FHIT: variants seen among roughly 807,000 people sequenced by gnomAD.
The protein encoded by FHIT is fragile histidine triad diadenosine triphosphatase.
Under a neutral mutation model 17.9 loss-of-function variants are expected in FHIT, and 19 were observed. That is an observed-to-expected ratio of 1.06 (90% CI 0.74 to 1.56). The LOEUF (loss-of-function observed/expected upper bound fraction) is 1.56. Among genes scored for constraint, FHIT ranks in the 40% most tolerant of loss-of-function variants. The probability of loss-of-function intolerance (pLI) is 0.00; values close to 1 mark genes in which losing one functional copy is unlikely to be tolerated. For synonymous variants in FHIT, 81 were observed against 69.7 expected (o/e 1.16, Z -0.81); for missense variants, 248 against 189.2 (o/e 1.31, Z -1.82).
chr3:60,999,294 CA>C (rs970256730), intron 3 of FHIT, among the ~76,000 whole-genome samples: 1 of 151,962 alleles, frequency 6.6e-6, no homozygotes, highest in African/African-American at 2.4e-5. Flanking sequence ...CTTTCTGAAA[CA>C]ATAATCTACA....
At chr3:61,103,051 C>G (rs1440169987) in intron 2 of FHIT, among the ~76,000 whole-genome samples, 1 of 152,226 alleles carries the variant, frequency 6.6e-6, no homozygotes, top group Non-Finnish European at 1.5e-5. Context: ...GTCTCTATCT[C>G]TTTCAGTTCT....
chr3:60,331,364 T>A (rs757486202), intron 5 of FHIT, among the ~76,000 whole-genome samples: 3 of 152,176 alleles, frequency 2.0e-5, no homozygotes, highest in Admixed American at 2.0e-4. Flanking sequence ...GTTTCCTCTA[T>A]ACATTATAAC....
At chr3:60,593,526 A>G (rs1412182467) in intron 4 of FHIT, among the ~76,000 whole-genome samples, 2 of 152,160 alleles carry the variant, frequency 1.3e-5, no homozygotes, top group East Asian at 1.9e-4. Flanking sequence ...AGCTTTCTAC[A>G]TTGGCAACTT....
At chr3:60,580,428 T>A (rs17669257) in intron 4 of FHIT, among the ~76,000 whole-genome samples, 1 of 152,014 alleles carries the variant, frequency 6.6e-6, no homozygotes, top group Non-Finnish European at 1.5e-5. Flanking sequence ...ATTATGATGA[T>A]AGGAATTACT....
chr3:60,251,518 C>T (rs1422289171), intron 5 of FHIT, among the ~76,000 whole-genome samples: 1 of 152,188 alleles, frequency 6.6e-6, no homozygotes, highest in Non-Finnish European at 1.5e-5. Flanking sequence ...AATTTGAAAA[C>T]CTCATCTTTC....
chr3:60,420,310 G>A (rs1235650641), intron 5 of FHIT, among the ~76,000 whole-genome samples: 1 of 152,044 alleles, frequency 6.6e-6, no homozygotes, highest in African/African-American at 2.4e-5. Flanking sequence ...TCCATAGCAT[G>A]TATAACACAG....
At chr3:60,657,582 G>C (rs537633133) in intron 4 of FHIT, among the ~76,000 whole-genome samples, 2 of 152,278 alleles carry the variant, frequency 1.3e-5, no homozygotes, top group South Asian at 4.2e-4. Flanking sequence ...TCTGTGTACA[G>C]TGAAAGTACT....
chr3:61,094,871 C>T (rs1394400001), intron 2 of FHIT, among the ~76,000 whole-genome samples: 1 of 152,134 alleles, frequency 6.6e-6, no homozygotes, highest in African/African-American at 2.4e-5. Context: ...CATGAGATTC[C>T]ATCATGCTAC....
chr3:60,212,299 A>C (rs539755198), intron 5 of FHIT, among the ~76,000 whole-genome samples: 1 of 152,248 alleles, frequency 6.6e-6, no homozygotes, highest in African/African-American at 2.4e-5. Flanking sequence ...GGCACTCCCA[A>C]CATAGGGACA....
intron 5 of FHIT, among the ~76,000 whole-genome samples, chr3:60,122,948 T>C (rs1259937451): frequency 6.6e-6 from 1 of 152,244 alleles, no homozygotes; most frequent in Non-Finnish European, 1.5e-5. Context: ...AAAAAAGATT[T>C]TGGCTTCTAG....
At chr3:60,225,767 A>G (rs997322346) in intron 5 of FHIT, among the ~76,000 whole-genome samples, 1 of 152,198 alleles carries the variant, frequency 6.6e-6, no homozygotes, top group Non-Finnish European at 1.5e-5. Flanking sequence ...ACTGAAGATA[A>G]CAGACGGACA....
intron 5 of FHIT, among the ~76,000 whole-genome samples, chr3:60,208,331 T>G (rs213322): frequency 1.3e-5 from 2 of 151,946 alleles, no homozygotes; most frequent in Non-Finnish European, 2.9e-5. Flanking sequence ...TCTTGATCCT[T>G]TGCCAAATCA....
chr3:60,009,230 T>C (rs185738138), intron 7 of FHIT, among the ~76,000 whole-genome samples: 2,501 of 132,386 alleles, frequency 0.019, 82 homozygotes, highest in African/African-American at 0.074. Flanking sequence ...TGTGTGTGTG[T>C]ATGGTGGTTT....
At chr3:60,118,971 A>T (rs1236800610) in intron 5 of FHIT, among the ~76,000 whole-genome samples, 1 of 150,466 alleles carries the variant, frequency 6.6e-6, no homozygotes, top group East Asian at 2.0e-4. Context: ...CAGTGAGCTG[A>T]GATGCTGCCA....
intron 5 of FHIT, among the ~76,000 whole-genome samples, chr3:60,413,488 T>C (rs538037737): frequency 2.6e-5 from 4 of 152,310 alleles, no homozygotes; most frequent in African/African-American, 9.6e-5. Context: ...CCATGCAAAT[T>C]CCATTTCTGG....
At chr3:61,164,719 T>C in intron 2 of FHIT, among the ~76,000 whole-genome samples, 1 of 152,168 alleles carries the variant, frequency 6.6e-6, no homozygotes, top group Non-Finnish European at 1.5e-5. Flanking sequence ...ATGCTGAGGT[T>C]TGGAGTACAA....
chr3:59,818,541 GTC>G (rs1700683788), intron 8 of FHIT, among the ~76,000 whole-genome samples: 2 of 152,050 alleles, frequency 1.3e-5, no homozygotes, highest in African/African-American at 2.4e-5. Context: ...GATCTACACA[GTC>G]TCTACCTCAA....
At chr3:60,282,508 A>T (rs1441298969) in intron 5 of FHIT, among the ~76,000 whole-genome samples, 1 of 152,186 alleles carries the variant, frequency 6.6e-6, no homozygotes, top group Non-Finnish European at 1.5e-5. Flanking sequence ...GACAATATGC[A>T]TCTGTAAAAC....
intron 5 of FHIT, among the ~76,000 whole-genome samples, chr3:60,204,455 T>TG (rs773269167): frequency 5.4e-4 from 69 of 128,296 alleles, no homozygotes; most frequent in African/African-American, 2.0e-3. Context: ...TTTTTTTTTT[T>TG]TTGTTTTGTT....
Sources: gnomAD v4.1 joint callset for allele counts (sites outside exome capture counted in the v4.1 genomes callset) on GRCh38, gnomAD v4.1.1 for gene constraint, MANE v1.5 for transcripts, NCBI Gene and HGNC (gene_info 2026-07-23, HGNC 2026-07-21) for gene names.